CIT: variants seen among roughly 807,000 people sequenced by gnomAD.
CIT encodes citron rho-interacting serine/threonine kinase, also known as citron Rho-interacting kinase.
A neutral mutation model predicts 272.7 loss-of-function variants in CIT; 79 were observed. The observed-to-expected ratio is 0.29, with a 90% CI of 0.24 to 0.35. CIT has a LOEUF of 0.35. Among genes scored for constraint, CIT ranks in the 10% least tolerant of loss-of-function variants. The pLI, the probability that CIT is intolerant of heterozygous loss-of-function variation, is 1.00. For missense variants in CIT, 1,909 were observed against 2,618.3 expected (o/e 0.73, Z 5.91); for synonymous variants, 948 against 995.6 (o/e 0.95, Z 0.90).
intron 10 of CIT, among the ~76,000 whole-genome samples, chr12:119,796,995 G>A (rs1965784522): frequency 6.6e-6 from 1 of 152,208 alleles, no homozygotes; most frequent in Non-Finnish European, 1.5e-5. Flanking sequence ...GAAAAAAGAG[G>A]TGTTGAGTGC....
intron 5 of CIT, among the ~76,000 whole-genome samples, chr12:119,835,406 C>T (rs1006296108): frequency 2.0e-5 from 3 of 151,762 alleles, no homozygotes; most frequent in African/African-American, 7.2e-5. Context: ...TCCCTTTCTT[C>T]CCCCCCACTT....
At chr12:119,842,357 C>G (rs2138188666) in intron 5 of CIT, among the ~76,000 whole-genome samples, 1 of 141,920 alleles carries the variant, frequency 7.0e-6, no homozygotes, top group South Asian at 2.3e-4. Flanking sequence ...CCACTGCACT[C>G]CAGCCAGGGT....
chr12:119,755,481 C>T (rs575122696), intron 22 of CIT, among the ~76,000 whole-genome samples: 1 of 152,356 alleles, frequency 6.6e-6, no homozygotes, highest in East Asian at 1.9e-4. Context: ...AGATCATCTG[C>T]TTTTTGAAGA....
At chr12:119,870,783 A>T (rs1307210310) in intron 2 of CIT, among the ~76,000 whole-genome samples, 1 of 152,008 alleles carries the variant, frequency 6.6e-6, no homozygotes, top group East Asian at 1.9e-4. Flanking sequence ...TGCAACAGAG[A>T]CTACAGGACC....
At chr12:119,862,821 A>G (rs1950386120) in intron 3 of CIT, among the ~76,000 whole-genome samples, 1 of 132,658 alleles carries the variant, frequency 7.5e-6, no homozygotes, top group Non-Finnish European at 1.5e-5. Context: ...AAAAAAAAAA[A>G]AAAAAAAAAA....
At chr12:119,833,996 G>A (rs1968826141) in intron 6 of CIT, 90 bp downstream of exon 6, 2 of 1,324,390 alleles carry the variant, frequency 1.5e-6, no homozygotes, top group African/African-American at 1.5e-5. Context: ...TCTTGATCTT[G>A]AAATCACTCA....
intron 7 of CIT, among the ~76,000 whole-genome samples, chr12:119,826,235 T>C: frequency 6.6e-6 from 1 of 152,144 alleles, no homozygotes; most frequent in Non-Finnish European, 1.5e-5. Context: ...GTTAATGAGT[T>C]CTTTTTCCTC....
chr12:119,800,864 C>T (rs993307889), intron 10 of CIT, among the ~76,000 whole-genome samples: 3 of 152,172 alleles, frequency 2.0e-5, no homozygotes, highest in Non-Finnish European at 4.4e-5. Flanking sequence ...TAATTAATCA[C>T]AATCTGATAT....
chr12:119,751,784 A>AT (rs1026415290), intron 23 of CIT, among the ~76,000 whole-genome samples: 4 of 152,184 alleles, frequency 2.6e-5, no homozygotes, highest in Non-Finnish European at 5.9e-5. Flanking sequence ...TATAATGATG[A>AT]TTTTTTCAAA....
intron 24 of CIT, among the ~76,000 whole-genome samples, chr12:119,741,042 G>A (rs956043211): frequency 7.2e-5 from 11 of 152,106 alleles, no homozygotes; most frequent in Admixed American, 5.2e-4. Context: ...CTTGTGTAAC[G>A]GGGTTTCCTA....
rs529120886 is a variant in CIT at position 119,842,272 on chromosome 12, C to A, written c.516+7902G>T. On this transcript the variant is annotated intron_variant, in intron 5 of 47. Coordinates refer to ENST00000392521, the MANE Select transcript of CIT (RefSeq NM_001206999.2). ...GGCATGGTGGTGTGCGCCTGTAATCCCAGCTACTCAGGAGGCTGAGGCAGG... is the reference window on the plus strand; with the variant it reads ...GGCATGGTGGTGTGCGCCTGTAATCACAGCTACTCAGGAGGCTGAGGCAGG... Among the ~76,000 whole-genome samples, 6 of 151,504 alleles carry A rather than the reference C, an allele frequency of 4.0e-5. No individual in the cohort carries two copies. In the East Asian group the frequency reaches 1.2e-3, roughly 30 times the overall value.
intron 5 of CIT, among the ~76,000 whole-genome samples, chr12:119,847,968 G>A (rs1355375806): frequency 8.5e-5 from 13 of 152,180 alleles, no homozygotes; most frequent in African/African-American, 3.1e-4. Flanking sequence ...TTATGATGCA[G>A]AGAGCACAAG....
chr12:119,721,382 T>A lies in CIT; in HGVS notation c.3659A>T (p.Gln1220Leu). 6.2e-7 allele frequency: 1 copy of A among 1,612,264 alleles called. No individual in the cohort carries two copies. Among genetic ancestry groups the A allele is most frequent in the Non-Finnish European group, 8.5e-7 (1 of 1,178,372 alleles). The change falls in exon 29 of 48, where the codon CAA becomes CTA. Residue 1220 changes from glutamine (Q) to leucine (L), a missense_variant. Transcript: ENST00000392521. ...TAGATCAGCCCGATCTAGAGCTTCT[T>A]GCAGTCCTTGAGTCAGACGGAAAAT... ...NHIFRLTQGL[Q>L]EALDRADLLK...
chr12:119,811,364 A>G (rs929749019), intron 9 of CIT, among the ~76,000 whole-genome samples: 2 of 152,228 alleles, frequency 1.3e-5, no homozygotes, highest in Admixed American at 6.5e-5. Flanking sequence ...CAATAGACTT[A>G]AATAAATCAA....
intron 22 of CIT, among the ~76,000 whole-genome samples, 153 bp from the exon 23 acceptor site, chr12:119,752,400 A>C (rs1047753434): frequency 5.9e-5 from 9 of 152,224 alleles, no homozygotes; most frequent in African/African-American, 2.2e-4. Context: ...AAAATGCAAC[A>C]AAATGGGCCT....
At chr12:119,834,987 T>C (rs1394798385) in intron 5 of CIT, among the ~76,000 whole-genome samples, 3 of 152,204 alleles carry the variant, frequency 2.0e-5, no homozygotes, top group African/African-American at 7.2e-5. Context: ...TAAAGTGAAA[T>C]CTTGTAAAGA....
At chr12:119,735,080 C>T in intron 25 of CIT, 80 bp downstream of exon 25, 1 of 1,386,138 alleles carries the variant, frequency 7.2e-7, no homozygotes. Context: ...TGTTGGAACC[C>T]TTGGGAGAAC....
At chr12:119,780,056 C>T (rs931459282) in intron 13 of CIT, among the ~76,000 whole-genome samples, 4 of 152,090 alleles carry the variant, frequency 2.6e-5, no homozygotes, top group Non-Finnish European at 2.9e-5. Context: ...GCCCACCTAA[C>T]GCAAGTCTTC....
intron 33 of CIT, 68 bp downstream of exon 33, chr12:119,714,129 C>T: frequency 3.2e-6 from 5 of 1,581,542 alleles, no homozygotes; most frequent in East Asian, 4.5e-5. Context: ...AAATCACCTC[C>T]ACCTGATAGA....
Sources: allele counts gnomAD v4.1 joint callset (sites outside exome capture counted in the v4.1 genomes callset), GRCh38; gene constraint gnomAD v4.1.1; transcripts MANE v1.5; gene names NCBI Gene and HGNC (gene_info 2026-07-23, HGNC 2026-07-21).